Variants in MYLK observed in about 807,000 individuals in gnomAD.
MYLK encodes myosin light chain kinase, smooth muscle.
MYLK carries 106 observed loss-of-function variants against 203.4 expected under a neutral mutation model. The ratio of observed to expected loss-of-function variants is 0.52; its 90% CI spans 0.45 to 0.61. The LOEUF is 0.61. Ranked by LOEUF, MYLK falls within the 20% of genes least tolerant of loss-of-function variation. MYLK has a pLI of 0.00. For missense variants in MYLK, 2,072 were observed against 2,442.3 expected (o/e 0.85, Z 3.20); for synonymous variants, 867 against 959.5 (o/e 0.90, Z 1.78).
intron 3 of MYLK, among the ~76,000 whole-genome samples, chr3:123,816,907 G>A (rs2065768321): frequency 6.6e-6 from 1 of 152,214 alleles, no homozygotes; most frequent in Non-Finnish European, 1.5e-5. Context: ...CAGTAGGGTG[G>A]GAAACAGAGC....
At chr3:123,845,080 C>CA (rs1309838870) in intron 2 of MYLK, among the ~76,000 whole-genome samples, 3 of 152,058 alleles carry the variant, frequency 2.0e-5, no homozygotes, top group Non-Finnish European at 2.9e-5. Context: ...TTGTAAGAGA[C>CA]AATGAGGTGA....
chr3:123,700,441 C>T lies in MYLK; in HGVS notation c.3027G>A (p.Glu1009=), dbSNP rs12172926. Residue 1009 remains glutamate (E), a synonymous_variant, in exon 18 of 34, where the codon GAG becomes GAA. Coordinates refer to ENST00000360304, the MANE Select transcript of MYLK (RefSeq NM_053025.4). ...GTGCATTGCTCAGGGGCTTGGAACT[C>T]TCCACTGCCTTGGCATTCAGGGTCT... The part of the protein sequence containing the change: ...SAETLNAKAV[E]SSKPLSNAQP... 61,221 of 1,609,724 alleles carry T rather than the reference C, an allele frequency of 0.038. 6,757 individuals are homozygous for T. In the East Asian group the frequency reaches 0.45, roughly 12 times the overall value.
chr3:123,828,075 A>G lies in MYLK; in HGVS notation c.-4+3473T>C, dbSNP rs571431219. 2.9e-4 allele frequency among the ~76,000 whole-genome samples: 44 copies of G among 152,020 alleles called. No individual in the cohort carries two copies. In the East Asian group the frequency reaches 6.0e-3, roughly 21 times the overall value. ...TGACAATATTATCCAAAGAATACCA[A>G]TGAAATTCTTCACATAAATAGAAAA... On this transcript the variant is annotated intron_variant, in intron 3 of 33. Coordinates refer to ENST00000360304, the MANE Select transcript of MYLK (RefSeq NM_053025.4).
At position 123,739,030 on chromosome 3, in the gene MYLK, C is replaced by A. The variant is rs201754358; in HGVS notation, c.455G>T (p.Arg152Leu). 1 of 1,613,806 alleles carries A rather than the reference C, an allele frequency of 6.2e-7. No individual in the cohort carries two copies. The highest frequency in any genetic ancestry group is 1.3e-5 in the African/African-American group (1 of 75,008). ...DRFSAPAVETRPSIWGECPPK... is the reference protein window; with the variant it reads ...DRFSAPAVETLPSIWGECPPK... ...TGGGCACTCCCCCCAGATGCTAGGACGGGTCTCCACTGCTGGAGCTGAAAA... is the reference window on the plus strand; with the variant it reads ...TGGGCACTCCCCCCAGATGCTAGGAAGGGTCTCCACTGCTGGAGCTGAAAA... The change falls in exon 7 of 34, where the codon CGT (arginine) becomes CTT (leucine). Residue 152 changes from arginine (R) to leucine (L), a missense_variant. By Grantham distance (102) the Arg-to-Leu change is moderately radical. Coordinates refer to ENST00000360304, the MANE Select transcript of MYLK (RefSeq NM_053025.4).
chr3:123,852,970 T>C (rs2030988064), intron 2 of MYLK, among the ~76,000 whole-genome samples: 2 of 152,046 alleles, frequency 1.3e-5, no homozygotes, highest in South Asian at 4.1e-4. Flanking sequence ...AAGGAGGCCT[T>C]AAAAGAGCAA....
chr3:123,707,529 G>A (rs546981980), intron 16 of MYLK, among the ~76,000 whole-genome samples: 2 of 152,326 alleles, frequency 1.3e-5, no homozygotes, highest in South Asian at 4.1e-4. Context: ...TAACAAGACA[G>A]GATTCTGGGG....
chr3:123,858,953 TG>T (rs2031659114), intron 2 of MYLK, among the ~76,000 whole-genome samples: 1 of 152,238 alleles, frequency 6.6e-6, no homozygotes, highest in South Asian at 2.1e-4. Context: ...AAACCGGTTA[TG>T]CCCATTGTAT....
intron 20 of MYLK, 102 bp from the exon 21 acceptor site, chr3:123,667,289 G>A (rs1296972006): frequency 1.8e-6 from 2 of 1,110,088 alleles, no homozygotes; most frequent in African/African-American, 3.1e-5. Context: ...CCCTCATCCA[G>A]GGAGGACTCT....
intron 23 of MYLK, among the ~76,000 whole-genome samples, chr3:123,662,823 G>A (rs2059607758): frequency 6.6e-6 from 1 of 152,156 alleles, no homozygotes; most frequent in Non-Finnish European, 1.5e-5. Flanking sequence ...GTCTAGTGGG[G>A]GCATCTGGGC....
rs185755406 is a variant in MYLK, at chr3:123,871,147, G to C, written c.-127+5412C>G. ...CTAAAGCTCTCCTAATAAATGCTTA[G>C]AGGTAGGAAAACTGGTTCTACACCT... On this transcript the variant is annotated intron_variant, in intron 2 of 33. Transcript: ENST00000360304. Among the ~76,000 whole-genome samples, 77 of 152,240 alleles carry C rather than the reference G, an allele frequency of 5.1e-4. 1 individual carries two copies. The East Asian group carries it at 0.011, about 22-fold the overall frequency.
At position 123,864,854 on chromosome 3, in the gene MYLK, G is replaced by A. The variant is rs377068433; in HGVS notation, c.-127+11705C>T. ...CCAGGAGTTCGAGACTGCAACCACT[G>A]CACTCTAGCTTGAGTGACAGACTCC... On this transcript the variant is annotated intron_variant, in intron 2 of 33. Transcript: ENST00000360304. Among the ~76,000 whole-genome samples, 103 of 152,290 alleles carry A rather than the reference G, an allele frequency of 6.8e-4. 2 individuals are homozygous for A. In the South Asian group the frequency reaches 0.011, roughly 16 times the overall value.
chr3:123,627,734 T>C lies in MYLK; in HGVS notation c.5115-793A>G, dbSNP rs536237491. The stretch of plus-strand genomic sequence containing the variant: ...CTATAATTTTCATGCATTATTTTTA[T>C]AGTAGGAAGGAATTTTTTTTTTAAG... On this transcript the variant is annotated intron_variant, in intron 30 of 33. Transcript: ENST00000360304. 1.5e-4 allele frequency among the ~76,000 whole-genome samples: 22 copies of C among 151,648 alleles called. No individual in the cohort carries two copies. In the East Asian group the frequency reaches 4.0e-3, roughly 28 times the overall value.
intron 4 of MYLK, among the ~76,000 whole-genome samples, chr3:123,765,936 T>G (rs2108955836): frequency 6.6e-6 from 1 of 152,280 alleles, no homozygotes. Context: ...AAGAAGTTAT[T>G]GTTTAATGGG....
intron 2 of MYLK, among the ~76,000 whole-genome samples, chr3:123,857,240 G>A (rs1355898893): frequency 1.3e-5 from 2 of 152,228 alleles, no homozygotes; most frequent in East Asian, 1.9e-4. Context: ...TCAGTGTGGC[G>A]ATTCCTCAAG....
intron 4 of MYLK, among the ~76,000 whole-genome samples, chr3:123,786,590 C>A (rs999629526): frequency 2.0e-5 from 3 of 151,574 alleles, no homozygotes; most frequent in Non-Finnish European, 4.4e-5. Flanking sequence ...ACCTACTATT[C>A]GATAGCACAA....
rs1297392175 is a variant in MYLK, at chr3:123,612,960, T to G, written c.*1145A>C. 6.6e-6 allele frequency: 1 copy of G among 152,636 alleles called. No homozygotes were observed. Among genetic ancestry groups the G allele is most frequent in the African/African-American group, 2.4e-5 (1 of 41,464 alleles). 9.5% of individuals were successfully genotyped at this position (152,636 alleles called of 1,614,324 possible). A position where few individuals can be genotyped will look rare whatever the true frequency, so the allele number is the denominator to read the frequency against. On this transcript the variant is annotated 3_prime_UTR_variant, in exon 34 of 34. Coordinates refer to ENST00000360304, the MANE Select transcript of MYLK (RefSeq NM_053025.4). ...CAATGTAGTGAAAGAAAGTTAAAAA[T>G]TCCTAAAGACGCAAGTCTGAGTGCA...
At position 123,629,328 on chromosome 3, in the gene MYLK, G is replaced by T; in HGVS notation, c.5114+146C>A. The stretch of plus-strand genomic sequence containing the variant: ...CACATGCATTCGGGTCTCTTACCAT[G>T]CCCACCCTCCCTTCCTCAGGGAATG... On this transcript the variant is annotated intron_variant, in intron 30 of 33. Coordinates refer to ENST00000360304, the MANE Select transcript of MYLK (RefSeq NM_053025.4). This position sits in a 1 kb window ranked among gnomAD's most constrained non-coding sequence, Gnocchi z 4.4. The T allele has an allele frequency of 2.1e-6, 2 of 973,488 alleles. No homozygotes were observed. Among genetic ancestry groups the T allele is most frequent in the Non-Finnish European group, 1.5e-6 (1 of 646,728 alleles). The allele number at this position is 973,488 out of a possible 1,614,324, so 60.3% of individuals were successfully genotyped here. A position where few individuals can be genotyped will look rare whatever the true frequency, so the allele number is the denominator to read the frequency against.
At chr3:123,797,305 T>C (rs547198865) in intron 3 of MYLK, among the ~76,000 whole-genome samples, 15 of 152,306 alleles carry the variant, frequency 9.8e-5, no homozygotes, top group African/African-American at 3.6e-4. Context: ...ACTACAATTT[T>C]AATGGCGAGC....
At chr3:123,768,239 G>C (rs1434493231) in intron 4 of MYLK, among the ~76,000 whole-genome samples, 2 of 152,198 alleles carry the variant, frequency 1.3e-5, no homozygotes, top group East Asian at 3.9e-4. Flanking sequence ...TTTACAACTG[G>C]GTCCAGGGTC....
Sources: gnomAD v4.1 joint callset for allele counts (sites outside exome capture counted in the v4.1 genomes callset) on GRCh38, gnomAD v4.1.1 for gene constraint, Gnocchi (gnomAD v3.1) non-coding constraint, MANE v1.5 for transcripts, NCBI Gene and HGNC (gene_info 2026-07-23, HGNC 2026-07-21) for gene names.